NCAM2: variants seen among roughly 807,000 people sequenced by gnomAD.
The protein encoded by NCAM2 is neural cell adhesion molecule 2.
In NCAM2, 30 loss-of-function variants were observed where a neutral mutation model predicts 98.1. That is an observed-to-expected ratio of 0.31 (90% CI 0.23 to 0.41). The LOEUF (loss-of-function observed/expected upper bound fraction) is 0.41. Ranked by LOEUF, NCAM2 falls within the 10% of genes least tolerant of loss-of-function variation. The pLI is 1.00. For missense variants in NCAM2, 867 were observed against 1,005.8 expected, an observed-to-expected ratio of 0.86 and a Z score of 1.87; for synonymous variants, 368 against 342.4, an observed-to-expected ratio of 1.07 and a Z score of -0.83.
intron 1 of NCAM2, among the ~76,000 whole-genome samples, chr21:21,169,573 A>G (rs2068055086): frequency 6.6e-6 from 1 of 152,216 alleles, no homozygotes; most frequent in Non-Finnish European, 1.5e-5. Context: ...AAATATACAA[A>G]TAACTCTTAA....
At chr21:21,306,437 T>C (rs1015982312) in intron 5 of NCAM2, among the ~76,000 whole-genome samples, 1 of 152,176 alleles carries the variant, frequency 6.6e-6, no homozygotes, top group African/African-American at 2.4e-5. Flanking sequence ...ATTGATTCTG[T>C]TTATTCCGGA....
chr21:21,118,120 A>G (rs2066600249), intron 1 of NCAM2, among the ~76,000 whole-genome samples: 1 of 152,158 alleles, frequency 6.6e-6, no homozygotes, highest in African/African-American at 2.4e-5. Context: ...ACCTACCTAG[A>G]CTCTCAGCAA....
At chr21:20,998,658 C>A (rs750753606) in intron 1 of NCAM2, 40 bp downstream of exon 1, 2 of 1,593,506 alleles carry the variant, frequency 1.3e-6, no homozygotes, top group East Asian at 2.2e-5. Context: ...TTTCCCTCCC[C>A]CTTCCACCCG....
chr21:21,068,006 G>A (rs1266379830), intron 1 of NCAM2, among the ~76,000 whole-genome samples: 1 of 151,892 alleles, frequency 6.6e-6, no homozygotes, highest in Non-Finnish European at 1.5e-5. Context: ...CTTGATGAAA[G>A]AAATAACTTT....
intron 1 of NCAM2, among the ~76,000 whole-genome samples, chr21:21,162,581 A>G (rs893901195): frequency 6.6e-6 from 1 of 152,112 alleles, no homozygotes; most frequent in Non-Finnish European, 1.5e-5. Flanking sequence ...TGAAAAAGAA[A>G]GGTCCTCTCA....
chr21:21,015,576 T>C (rs2064290693), intron 1 of NCAM2, among the ~76,000 whole-genome samples: 1 of 152,230 alleles, frequency 6.6e-6, no homozygotes, highest in Non-Finnish European at 1.5e-5. Context: ...AATACAACTT[T>C]TACATGCCCT....
intron 1 of NCAM2, among the ~76,000 whole-genome samples, chr21:21,033,694 A>T (rs1481094315): frequency 6.6e-6 from 1 of 152,156 alleles, no homozygotes; most frequent in Non-Finnish European, 1.5e-5. Context: ...AATGTCTCAG[A>T]TTATCTCAGA....
intron 1 of NCAM2, among the ~76,000 whole-genome samples, chr21:21,094,646 T>C (rs895481113): frequency 2.0e-5 from 3 of 151,810 alleles, no homozygotes; most frequent in African/African-American, 7.2e-5. Context: ...CATTTCTAAA[T>C]ACGTTCTCAG....
intron 9 of NCAM2, among the ~76,000 whole-genome samples, chr21:21,392,693 A>G (rs1215055789): frequency 6.6e-6 from 1 of 152,150 alleles, no homozygotes; most frequent in African/African-American, 2.4e-5. Flanking sequence ...GCATTTCCCT[A>G]ATGATCAGTG....
At chr21:21,221,267 A>G (rs966955037) in intron 1 of NCAM2, among the ~76,000 whole-genome samples, 1 of 152,104 alleles carries the variant, frequency 6.6e-6, no homozygotes, top group Non-Finnish European at 1.5e-5. Flanking sequence ...AATTTGGTCA[A>G]TTACCACCCC....
chr21:21,098,040 T>C (rs1306517503), intron 1 of NCAM2, among the ~76,000 whole-genome samples: 1 of 41,950 alleles, frequency 2.4e-5, no homozygotes, highest in Non-Finnish European at 7.8e-5. Context: ...GCTAGTCGAA[T>C]ATCTCTTTCA....
chr21:21,302,978 C>T (rs1312520511), intron 5 of NCAM2, among the ~76,000 whole-genome samples: 4 of 152,100 alleles, frequency 2.6e-5, no homozygotes, highest in African/African-American at 4.8e-5. Flanking sequence ...AGACCATAAT[C>T]GTAAGTGATC....
At chr21:21,468,600 A>G (rs934087373) in intron 13 of NCAM2, 62 bp from the exon 14 acceptor site, 6 of 1,485,322 alleles carry the variant, frequency 4.0e-6, no homozygotes, top group Middle Eastern at 3.5e-4. Flanking sequence ...TTTTATTAAA[A>G]TATAGTTTAT....
intron 1 of NCAM2, among the ~76,000 whole-genome samples, chr21:21,199,823 G>A (rs1165428482): frequency 6.6e-6 from 1 of 151,952 alleles, no homozygotes; most frequent in Non-Finnish European, 1.5e-5. Context: ...TTATGAATGT[G>A]AGCTATTTAT....
rs576658756 is a variant in NCAM2, at chr21:21,369,667, A to G, written c.1045-4196A>G. On this transcript the variant is annotated intron_variant, in intron 8 of 17. Coordinates refer to ENST00000400546, the MANE Select transcript of NCAM2 (RefSeq NM_004540.5). Reference sequence around the variant, plus strand: ...ACTCCAATGAATGCTAAGTGGTATCATGATTTTGATTTAAATGTCCTTGAT... The same window carrying G: ...ACTCCAATGAATGCTAAGTGGTATCGTGATTTTGATTTAAATGTCCTTGAT... Among the ~76,000 whole-genome samples, 9 of 151,910 alleles carry G rather than the reference A, an allele frequency of 5.9e-5. No individual in the cohort carries two copies. In the East Asian group the frequency reaches 9.7e-4, roughly 16 times the overall value.
chr21:21,092,977 T>A lies in NCAM2; in HGVS notation c.55+94359T>A, dbSNP rs1279913202. Among the ~76,000 whole-genome samples, 3 of 150,406 alleles carry A rather than the reference T, an allele frequency of 2.0e-5. No homozygotes were observed. The Admixed American group carries it at 2.0e-4, about 10-fold the overall frequency. On this transcript the variant is annotated intron_variant, in intron 1 of 17. Coordinates refer to ENST00000400546, the MANE Select transcript of NCAM2 (RefSeq NM_004540.5). ...AACAATGAGTGGAATATCAGTAACCTGACATTGCCTGAGTCTTTTTAAATT... is the reference window on the plus strand; with the variant it reads ...AACAATGAGTGGAATATCAGTAACCAGACATTGCCTGAGTCTTTTTAAATT...
At position 21,008,714 on chromosome 21, in the gene NCAM2, C is replaced by T. The variant is rs908540815; in HGVS notation, c.55+10096C>T. ...GAAACATATTTAATATCATTATGTT[C>T]TTCAGAGTTTACTTTTGGACTGGGT... On this transcript the variant is annotated intron_variant, in intron 1 of 17. Transcript: ENST00000400546. 2.0e-5 allele frequency among the ~76,000 whole-genome samples: 3 copies of T among 152,062 alleles called. No homozygotes were observed. In the South Asian group the frequency reaches 6.2e-4, roughly 31 times the overall value.
At chr21:21,078,890 A>G (rs531301515) in intron 1 of NCAM2, among the ~76,000 whole-genome samples, 4 of 152,332 alleles carry the variant, frequency 2.6e-5, no homozygotes, top group East Asian at 1.9e-4. Context: ...TTGCAGGGAT[A>G]TGGATGAAGC....
chr21:21,286,223 CTTTTGTG>C (rs2147528606), intron 3 of NCAM2, 39 bp from the exon 4 acceptor site: 1 of 1,409,672 alleles, frequency 7.1e-7, no homozygotes, highest in East Asian at 2.7e-5. Context: ...AGCAATGATA[CTTTTGTG>C]ATTTGTGATT....
Sources: gnomAD v4.1 joint callset for allele counts (sites outside exome capture counted in the v4.1 genomes callset) on GRCh38, gnomAD v4.1.1 for gene constraint, MANE v1.5 for transcripts, NCBI Gene and HGNC (gene_info 2026-07-23, HGNC 2026-07-21) for gene names.